Variants in TMEM33 observed in about 807,000 individuals in gnomAD.
The protein encoded by TMEM33 is transmembrane protein 33.
Under a neutral mutation model 29.7 loss-of-function variants are expected in TMEM33, and 16 were observed. The ratio of observed to expected loss-of-function variants is 0.54; its 90% CI spans 0.36 to 0.82. The LOEUF is 0.82. Ranked by LOEUF, TMEM33 falls within the 40% of genes least tolerant of loss-of-function variation. The pLI is 0.00. For missense variants in TMEM33, 252 were observed against 295.3 expected, an observed-to-expected ratio of 0.85 and a Z score of 1.08; for synonymous variants, 112 against 109.4, an observed-to-expected ratio of 1.02 and a Z score of -0.15.
chr4:41,954,419 AAGT>A lies in TMEM33; in HGVS notation c.*221_*223del. On this transcript the variant is annotated 3_prime_UTR_variant, in exon 7 of 7. Coordinates refer to ENST00000504986, the MANE Select transcript of TMEM33 (RefSeq NM_018126.3). ...TGCGCTGTGTTGCTAATGGTTAAAG[AAGT>A]CTGTATCTAGTGATAAATATACCAG... The A allele has an allele frequency of 2.6e-6, 1 of 384,480 alleles. No homozygotes were observed. Among genetic ancestry groups the A allele is most frequent in the Non-Finnish European group, 4.6e-6 (1 of 216,934 alleles). 23.8% of individuals were successfully genotyped at this position (384,480 alleles called of 1,614,324 possible). A position where few individuals can be genotyped will look rare whatever the true frequency, so the allele number is the denominator to read the frequency against.
chr4:41,949,066 A>G (rs1167497087), intron 5 of TMEM33, among the ~76,000 whole-genome samples: 2 of 152,156 alleles, frequency 1.3e-5, no homozygotes, highest in African/African-American at 2.4e-5. Flanking sequence ...TTTCAAAAGT[A>G]ATACAGATAA....
chr4:41,949,503 T>G (rs1265489747), intron 6 of TMEM33, 118 bp downstream of exon 6: 83 of 809,676 alleles, frequency 1.0e-4, no homozygotes, highest in Non-Finnish European at 5.8e-5. Context: ...CAAGCAGTGT[T>G]TTTGTAAATT....
intron 3 of TMEM33, 21 bp downstream of exon 3, chr4:41,939,404 AAC>A (rs1712407844): frequency 1.9e-6 from 3 of 1,605,410 alleles, no homozygotes; most frequent in Admixed American, 1.8e-5. Context: ...CTACCTTGTT[AAC>A]AATGAAATTG....
At chr4:41,948,901 A>AT (rs1712914065) in intron 5 of TMEM33, among the ~76,000 whole-genome samples, 1 of 151,956 alleles carries the variant, frequency 6.6e-6, no homozygotes, top group Non-Finnish European at 1.5e-5. Flanking sequence ...AGCCAGTGTA[A>AT]TTTTTTTGGT....
chr4:41,949,325 C>T lies in TMEM33; in HGVS notation c.554C>T (p.Pro185Leu), dbSNP rs1200989173. The change falls in exon 6 of 7, where the codon CCT becomes CTT. Residue 185 changes from proline (P) to leucine (L), a missense_variant. Coordinates refer to ENST00000504986, the MANE Select transcript of TMEM33 (RefSeq NM_018126.3). ...LFSGQGSLLQ[P>L]FIYYRFLTLR... is the part of the protein sequence containing the mutation. ...AGTGGTCAAGGAAGTTTGCTCCAAC[C>T]TTTTATATACTATAGATTTCTTACC... The T allele has an allele frequency of 6.2e-7, 1 of 1,609,732 alleles. No individual in the cohort carries two copies.
chr4:41,936,767 C>G (rs932846672), intron 1 of TMEM33, among the ~76,000 whole-genome samples: 1 of 152,112 alleles, frequency 6.6e-6, no homozygotes, highest in African/African-American at 2.4e-5. Flanking sequence ...CTCTCCTCCC[C>G]TTTTTTGTCT....
At chr4:41,954,001 A>G in intron 6 of TMEM33, 69 bp from the exon 7 acceptor site, 2 of 1,580,156 alleles carry the variant, frequency 1.3e-6, no homozygotes, top group Admixed American at 1.7e-5. Flanking sequence ...ATGGAGTACA[A>G]TAAAATGAGG....
At chr4:41,945,789 A>G (rs1244059685) in intron 5 of TMEM33, among the ~76,000 whole-genome samples, 1 of 151,958 alleles carries the variant, frequency 6.6e-6, no homozygotes, top group Non-Finnish European at 1.5e-5. Context: ...TGACCAACAT[A>G]GTGAAACCCT....
intron 5 of TMEM33, among the ~76,000 whole-genome samples, chr4:41,946,065 A>G (rs1577651843): frequency 6.8e-6 from 1 of 147,462 alleles, no homozygotes; most frequent in Admixed American, 6.8e-5. Flanking sequence ...TTGATTTGGC[A>G]TATCCAGTTC....
At position 41,937,416 on chromosome 4, in the gene TMEM33, CAT is replaced by C. The variant is rs758165781; in HGVS notation, c.46-1185_46-1184del. On this transcript the variant is annotated intron_variant, in intron 1 of 6. Coordinates refer to ENST00000504986, the MANE Select transcript of TMEM33 (RefSeq NM_018126.3). ...TATTTCATATTTCTGAAATTACCTA[CAT>C]GTGGGTTAAAAAGACATAAAATAAA... is the stretch of plus-strand genomic sequence containing the variant. Among the ~76,000 whole-genome samples, 12 of 152,200 alleles carry C rather than the reference CAT, an allele frequency of 7.9e-5. No homozygotes were observed. In the East Asian group the frequency reaches 1.5e-3, roughly 20 times the overall value.
At chr4:41,940,100 C>G (rs1712464061) in intron 3 of TMEM33, among the ~76,000 whole-genome samples, 1 of 138,156 alleles carries the variant, frequency 7.2e-6, no homozygotes, top group Non-Finnish European at 1.5e-5. Context: ...TTGCCCAGGC[C>G]ACCTGCCTCT....
intron 5 of TMEM33, among the ~76,000 whole-genome samples, chr4:41,947,266 A>G (rs1018021508): frequency 6.6e-6 from 1 of 151,918 alleles, no homozygotes; most frequent in African/African-American, 2.4e-5. Flanking sequence ...TACCGAGACT[A>G]GTTTTTTTGT....
chr4:41,948,638 A>T (rs1206506934), intron 5 of TMEM33, among the ~76,000 whole-genome samples: 3 of 152,078 alleles, frequency 2.0e-5, no homozygotes, highest in African/African-American at 7.2e-5. Context: ...CCAAGATTCT[A>T]GGTAGTTGCA....
In TMEM33 at chr4:41,944,821, T is replaced by C; in HGVS notation, c.425T>C (p.Leu142Pro). ...AGGGGCTCAAATAGTTTACCTCTGCTGAGATCTGTCTTGGACAAATTAAGT... is the reference window on the plus strand; with the variant it reads ...AGGGGCTCAAATAGTTTACCTCTGCCGAGATCTGTCTTGGACAAATTAAGT... ...DARGSNSLPL[L>P]RSVLDKLSAN... is the part of the protein sequence containing the mutation. Residue 142 changes from leucine to proline, a missense_variant, in exon 5 of 7, where the codon CTG (leucine) becomes CCG (proline). Physicochemically the swap from Leu to Pro is moderately conservative, Grantham distance 98. Transcript: ENST00000504986. 6.2e-7 allele frequency: 1 copy of C among 1,613,550 alleles called. No individual in the cohort carries two copies. The highest frequency in any genetic ancestry group is 8.5e-7 in the Non-Finnish European group (1 of 1,179,788).
rs368138628 is a variant in TMEM33, at chr4:41,949,745, T to C, written c.614+360T>C. The stretch of plus-strand genomic sequence containing the variant: ...ACAGAATTCACAAGCCAATAGATAA[T>C]GAATGCCATATGTTTGCTTTATTAT... On this transcript the variant is annotated intron_variant, in intron 6 of 6. Transcript: ENST00000504986. 1.4e-4 allele frequency among the ~76,000 whole-genome samples: 21 copies of C among 152,204 alleles called. No homozygotes were observed. In the East Asian group the frequency reaches 3.7e-3, roughly 27 times the overall value.
At chr4:41,947,278 T>C (rs1422726088) in intron 5 of TMEM33, among the ~76,000 whole-genome samples, 1 of 151,858 alleles carries the variant, frequency 6.6e-6, no homozygotes, top group South Asian at 2.1e-4. Flanking sequence ...TTTTTTTGTA[T>C]GGGTATAATT....
intron 1 of TMEM33, 22 bp from the exon 2 acceptor site, chr4:41,938,580 G>A: frequency 6.2e-7 from 1 of 1,605,766 alleles, no homozygotes; most frequent in Non-Finnish European, 8.5e-7. Context: ...ATAGCTTACA[G>A]TATTTTTCTT....
rs766584485 is a variant in TMEM33, at chr4:41,949,361, C to T, written c.590C>T (p.Ser197Leu). 5 of 1,610,004 alleles carry T rather than the reference C, an allele frequency of 3.1e-6. No individual in the cohort carries two copies. The highest frequency in any genetic ancestry group is 4.2e-6 in the Non-Finnish European group (5 of 1,178,486). The change falls in exon 6 of 7, where the codon TCG becomes TTG. Residue 197 changes from serine to leucine, a missense_variant. Transcript: ENST00000504986. ...IYYRFLTLRYSSRRNPYCRTL... is the reference protein window; with the variant it reads ...IYYRFLTLRYLSRRNPYCRTL... ...TATAGATTTCTTACCCTTCGATATT[C>T]GTCTCGAAGAAACCCATATTGTCGG... is the stretch of plus-strand genomic sequence containing the variant.
chr4:41,958,736 TCTCA>T lies in TMEM33; in HGVS notation c.*4542_*4545del, dbSNP rs1206491325. On this transcript the variant is annotated 3_prime_UTR_variant, in exon 7 of 7. Coordinates refer to ENST00000504986, the MANE Select transcript of TMEM33 (RefSeq NM_018126.3). ...TTTTTTTTTTTTTTTTGAGACAGAT[TCTCA>T]CTCAGTTGCCCAGGCTGGAGTGCAG... 2 of 144,086 alleles carry T rather than the reference TCTCA, an allele frequency of 1.4e-5. No homozygotes were observed. Among genetic ancestry groups the T allele is most frequent in the African/African-American group, 5.4e-5 (2 of 36,908 alleles). The allele number at this position is 144,086 out of a possible 1,614,324, so 8.9% of individuals were successfully genotyped here. A position where few individuals can be genotyped will look rare whatever the true frequency, so the allele number is the denominator to read the frequency against.
Sources: allele counts gnomAD v4.1 joint callset (sites outside exome capture counted in the v4.1 genomes callset), GRCh38; gene constraint gnomAD v4.1.1; transcripts MANE v1.5; gene names NCBI Gene and HGNC (gene_info 2026-07-23, HGNC 2026-07-21).